The following TTLL7 variants were observed in gnomAD, a reference collection of about 807,000 sequenced individuals.
TTLL7 encodes the protein tubulin polyglutamylase TTLL7.
Under a neutral mutation model 120.2 loss-of-function variants are expected in TTLL7, and 53 were observed. That is an observed-to-expected ratio of 0.44 (90% confidence interval 0.35 to 0.55). The LOEUF (loss-of-function observed/expected upper bound fraction) is 0.55, where lower values mean the gene tolerates loss of function less well. Among genes scored for constraint, TTLL7 ranks in the 20% least tolerant of loss-of-function variants. TTLL7 has a pLI of 0.00. For synonymous variants in TTLL7, 353 were observed against 351.7 expected, an observed-to-expected ratio of 1.00 and a Z score of -0.04; for missense variants, 803 against 1,054.7, an observed-to-expected ratio of 0.76 and a Z score of 3.31.
At chr1:83,966,708 C>T (rs1245124511) in intron 1 of TTLL7, among the ~76,000 whole-genome samples, 1 of 152,048 alleles carries the variant, frequency 6.6e-6, no homozygotes, top group Non-Finnish European at 1.5e-5. Flanking sequence ...TTCTTTGGTT[C>T]TATCCATACT....
chr1:83,941,692 G>C (rs1327573605), intron 7 of TTLL7, among the ~76,000 whole-genome samples: 2 of 152,158 alleles, frequency 1.3e-5, no homozygotes, highest in African/African-American at 4.8e-5. Flanking sequence ...AATAGGTTTA[G>C]AGGTTAACTA....
chr1:83,929,628 C>T (rs1659422178), intron 9 of TTLL7, among the ~76,000 whole-genome samples: 1 of 152,068 alleles, frequency 6.6e-6, no homozygotes, highest in Non-Finnish European at 1.5e-5. Context: ...ATTATATCAA[C>T]ACAATAATAA....
chr1:83,869,150 A>G lies in TTLL7; in HGVS notation c.*812T>C, dbSNP rs1653129333. The G allele has an allele frequency of 1.3e-5, 2 of 151,824 alleles. No individual in the cohort carries two copies. 9.4% of individuals were successfully genotyped at this position (151,824 alleles called of 1,614,324 possible). ...ACCATCACGCCCAGCTAATTTTTGTATTTTTAGTAGAGATGGGGTTTCACC... is the reference window on the plus strand; with the variant it reads ...ACCATCACGCCCAGCTAATTTTTGTGTTTTTAGTAGAGATGGGGTTTCACC... On this transcript the variant is annotated 3_prime_UTR_variant, in exon 21 of 21. Coordinates refer to ENST00000260505, the MANE Select transcript of TTLL7 (RefSeq NM_024686.6).
At chr1:83,925,010 T>C (rs1658995464) in intron 10 of TTLL7, among the ~76,000 whole-genome samples, 1 of 152,168 alleles carries the variant, frequency 6.6e-6, no homozygotes, top group South Asian at 2.1e-4. Flanking sequence ...TCAGACAATG[T>C]GGAAACAATC....
chr1:83,979,007 C>T (rs1433575822), intron 1 of TTLL7: 2 of 152,126 alleles, frequency 1.3e-5, no homozygotes, highest in African/African-American at 4.8e-5. Flanking sequence ...GGATCTAGGC[C>T]CTTCTCTTGT....
intron 1 of TTLL7, among the ~76,000 whole-genome samples, chr1:83,976,822 C>T (rs1471532513): frequency 2.0e-5 from 3 of 151,870 alleles, no homozygotes; most frequent in Non-Finnish European, 2.9e-5. Context: ...AAATAAAATA[C>T]ACTAAATCAG....
intron 1 of TTLL7, among the ~76,000 whole-genome samples, chr1:83,972,592 C>T (rs561504197): frequency 6.6e-6 from 1 of 152,218 alleles, no homozygotes; most frequent in African/African-American, 2.4e-5. Flanking sequence ...AAGTTTTCAA[C>T]TCCTCTGGGT....
At chr1:83,899,053 G>T (rs1259062355) in intron 18 of TTLL7, among the ~76,000 whole-genome samples, 1 of 151,680 alleles carries the variant, frequency 6.6e-6, no homozygotes, top group East Asian at 1.9e-4. Context: ...TACAAATTTT[G>T]GCAGGGTTAA....
intron 19 of TTLL7, among the ~76,000 whole-genome samples, chr1:83,883,857 C>T (rs183156484): frequency 6.6e-6 from 1 of 152,064 alleles, no homozygotes. Context: ...TCAGACATAA[C>T]TATATCCATG....
At chr1:83,878,471 T>C (rs1178912025) in intron 20 of TTLL7, among the ~76,000 whole-genome samples, 1 of 151,968 alleles carries the variant, frequency 6.6e-6, no homozygotes, top group Non-Finnish European at 1.5e-5. Context: ...ATCTAGAGTG[T>C]TGACAACAGC....
chr1:83,937,564 G>A (rs1168524649), intron 8 of TTLL7, among the ~76,000 whole-genome samples: 1 of 152,088 alleles, frequency 6.6e-6, no homozygotes, highest in Non-Finnish European at 1.5e-5. Flanking sequence ...CCATATACAG[G>A]CTATATGATA....
At position 83,867,292 on chromosome 1, in the gene TTLL7, T is replaced by C. The variant is rs1425990198; in HGVS notation, c.*2670A>G. 1 of 152,014 alleles carries C rather than the reference T, an allele frequency of 6.6e-6. No individual in the cohort carries two copies. The highest frequency in any genetic ancestry group is 1.5e-5 in the Non-Finnish European group (1 of 67,916). 9.4% of individuals were successfully genotyped at this position (152,014 alleles called of 1,614,324 possible). On this transcript the variant is annotated 3_prime_UTR_variant, in exon 21 of 21. Coordinates refer to ENST00000260505, the MANE Select transcript of TTLL7 (RefSeq NM_024686.6). Reference sequence around the variant, plus strand: ...CTTCTCTTAGTTGCTCATTAGGGAATAGCACTACAGCAGACACAGTCCATA... The same window carrying C: ...CTTCTCTTAGTTGCTCATTAGGGAACAGCACTACAGCAGACACAGTCCATA...
In TTLL7 at chr1:83,951,855, C is replaced by T; in HGVS notation, c.147G>A (p.Lys49=). 2.5e-6 allele frequency: 4 copies of T among 1,606,240 alleles called. No homozygotes were observed. Among genetic ancestry groups the T allele is most frequent in the Middle Eastern group, 1.7e-4 (1 of 6,008 alleles). The change falls in exon 3 of 21, where the codon AAG becomes AAA. Residue 49 remains lysine (K), a synonymous_variant. Transcript: ENST00000260505. The part of the protein sequence containing the change: ...GTITANVAGT[K]FEIVRLVIDE... ...TCTAAGGAAACCTACCAATTTCAAA[C>T]TTTGTCCCGGCAACATTTGCTGTAA...
At chr1:83,906,620 G>A (rs1447831090) in intron 16 of TTLL7, 157 bp from the exon 17 acceptor site, 1 of 948,064 alleles carries the variant, frequency 1.1e-6, no homozygotes, top group Non-Finnish European at 1.6e-6. Flanking sequence ...TGAATTCTTT[G>A]GATTAAATGG....
At chr1:83,994,758 G>A (rs1306426619) in intron 1 of TTLL7, among the ~76,000 whole-genome samples, 1 of 152,154 alleles carries the variant, frequency 6.6e-6, no homozygotes, top group African/African-American at 2.4e-5. Context: ...CCTAAGCAGA[G>A]GTCCCAAATT....
At chr1:83,961,504 G>C (rs1650016486) in intron 1 of TTLL7, among the ~76,000 whole-genome samples, 1 of 151,958 alleles carries the variant, frequency 6.6e-6, no homozygotes. Context: ...TGATAAACGG[G>C]TAATGATAAC....
chr1:83,996,264 A>G (rs897815889), intron 1 of TTLL7, among the ~76,000 whole-genome samples: 1 of 152,188 alleles, frequency 6.6e-6, no homozygotes, highest in Non-Finnish European at 1.5e-5. Context: ...TTAGTTGACA[A>G]TCCTTTTAGT....
chr1:83,931,127 T>C (rs1001889334), intron 9 of TTLL7, among the ~76,000 whole-genome samples: 2 of 151,906 alleles, frequency 1.3e-5, no homozygotes, highest in Non-Finnish European at 1.5e-5. Context: ...TATAATGAGA[T>C]GATTTATTTG....
At chr1:83,965,032 G>C (rs978462543) in intron 1 of TTLL7, among the ~76,000 whole-genome samples, 1 of 152,028 alleles carries the variant, frequency 6.6e-6, no homozygotes. Flanking sequence ...TTTCTGCCTT[G>C]AACTGGCTTT....
Sources: allele counts gnomAD v4.1 joint callset (sites outside exome capture counted in the v4.1 genomes callset), GRCh38; gene constraint gnomAD v4.1.1; transcripts MANE v1.5; gene names NCBI Gene and HGNC (gene_info 2026-07-23, HGNC 2026-07-21).